XPO6: variants seen among roughly 807,000 people sequenced by gnomAD.
The protein encoded by XPO6 is exportin 6.
A neutral mutation model predicts 130.0 loss-of-function variants in XPO6; 3 were observed. The ratio of observed to expected loss-of-function variants is 0.02; its 90% confidence interval spans 0.01 to 0.06. The LOEUF (loss-of-function observed/expected upper bound fraction) is 0.06, where lower values mean the gene tolerates loss of function less well. XPO6 is among the 10% of genes least tolerant of loss of function. The pLI, the probability that XPO6 is intolerant of heterozygous loss-of-function variation, is 1.00. For missense variants in XPO6, 970 were observed against 1,393.0 expected, an observed-to-expected ratio of 0.70 and a Z score of 4.83; for synonymous variants, 524 against 548.9, an observed-to-expected ratio of 0.95 and a Z score of 0.63.
intron 1 of XPO6, among the ~76,000 whole-genome samples, chr16:28,204,419 C>T (rs1386275463): frequency 6.6e-6 from 1 of 151,680 alleles, no homozygotes; most frequent in Non-Finnish European, 1.5e-5. Context: ...AGGGAGAGCA[C>T]GGTCCAAGCA....
intron 1 of XPO6, among the ~76,000 whole-genome samples, chr16:28,200,206 T>C (rs2043933905): frequency 6.6e-6 from 1 of 151,986 alleles, no homozygotes; most frequent in African/African-American, 2.4e-5. Context: ...GTCTGATTAT[T>C]AATGAGTTTA....
At chr16:28,196,789 C>T (rs2141899023) in intron 1 of XPO6, among the ~76,000 whole-genome samples, 1 of 152,250 alleles carries the variant, frequency 6.6e-6, no homozygotes, top group Non-Finnish European at 1.5e-5. Context: ...TGGCGCCTCT[C>T]CTCTCACTCT....
chr16:28,147,998 C>T (rs772678665), intron 8 of XPO6, among the ~76,000 whole-genome samples: 29 of 152,116 alleles, frequency 1.9e-4, no homozygotes, highest in Non-Finnish European at 3.8e-4. Context: ...ACTAGACTTG[C>T]CCATCCAAGA....
At position 28,184,972 on chromosome 16, in the gene XPO6, A is replaced by T. The variant is rs778010707; in HGVS notation, c.4-3941T>A. On this transcript the variant is annotated intron_variant, in intron 1 of 23. Transcript: ENST00000304658. ...GTATACCAAACGAAAACATACACAAATGTTCACAGCACTATTATACACAAT... is the reference window on the plus strand; with the variant it reads ...GTATACCAAACGAAAACATACACAATTGTTCACAGCACTATTATACACAAT... Among the ~76,000 whole-genome samples the T allele has an allele frequency of 1.9e-4, 29 of 152,312 alleles. 2 individuals are homozygous for T. The Middle Eastern group carries it at 0.02, about 107-fold the overall frequency.
chr16:28,177,180 A>G, intron 3 of XPO6, 40 bp downstream of exon 3: 1 of 1,440,874 alleles, frequency 6.9e-7, no homozygotes. Context: ...TAGAACTACA[A>G]AATCCTTTTC....
chr16:28,150,415 G>C (rs944917029), intron 8 of XPO6, among the ~76,000 whole-genome samples: 5 of 152,000 alleles, frequency 3.3e-5, no homozygotes, highest in African/African-American at 1.2e-4. Flanking sequence ...TCTACTGAAA[G>C]AATCATAAAA....
chr16:28,125,935 A>G, intron 12 of XPO6, 87 bp from the exon 13 acceptor site: 1 of 1,499,538 alleles, frequency 6.7e-7, no homozygotes. Context: ...AGCCACACAC[A>G]GCAAAACCAG....
Position 28,101,731 on chromosome 16 carries a change from G to A in XPO6, c.3046-43C>T. 2 of 1,587,862 alleles carry A rather than the reference G, an allele frequency of 1.3e-6. No homozygotes were observed. Among genetic ancestry groups the A allele is most frequent in the African/African-American group, 1.3e-5 (1 of 74,548 alleles). On this transcript the variant is annotated intron_variant, in intron 22 of 23. Coordinates refer to ENST00000304658, the MANE Select transcript of XPO6 (RefSeq NM_015171.4). The surrounding 1 kb of genome is among the most constrained non-coding windows in gnomAD (Gnocchi z 5.4). ...AGGTGAGCAGCAGCCAGCCCCCAGG[G>A]GCCTGTCCCGGGTCCCATCCACTTT...
chr16:28,162,730 A>G (rs1237407279), intron 6 of XPO6, among the ~76,000 whole-genome samples: 3 of 151,200 alleles, frequency 2.0e-5, no homozygotes, highest in African/African-American at 7.3e-5. Flanking sequence ...GCCCAGATAT[A>G]TATATATTAG....
intron 6 of XPO6, among the ~76,000 whole-genome samples, chr16:28,157,998 G>A (rs561479318): frequency 6.6e-6 from 1 of 152,302 alleles, no homozygotes; most frequent in South Asian, 2.1e-4. Flanking sequence ...GAGAGGATAG[G>A]GAATGCAGAG....
intron 4 of XPO6, among the ~76,000 whole-genome samples, chr16:28,170,806 C>G (rs1406337971): frequency 6.6e-6 from 1 of 152,150 alleles, no homozygotes; most frequent in Admixed American, 6.5e-5. Context: ...AGTCTCTCTA[C>G]CATAAGAAAG....
rs771387248 is a variant in XPO6 at position 28,181,047 on chromosome 16, GA to G, written c.4-17del. ...CTTCAGATGCCTAACAAAGGAATTT[GA>G]AAAAAAATCAATAAGCTGCATCTTC... On this transcript the variant is annotated splice_polypyrimidine_tract_variant and intron_variant, in intron 1 of 23. Transcript: ENST00000304658. The G allele has an allele frequency of 6.3e-6, 10 of 1,589,948 alleles. No individual in the cohort carries two copies. Among genetic ancestry groups the G allele is most frequent in the East Asian group, 4.5e-5 (2 of 44,652 alleles).
At chr16:28,204,357 G>GC (rs1206699283) in intron 1 of XPO6, among the ~76,000 whole-genome samples, 1 of 151,972 alleles carries the variant, frequency 6.6e-6, no homozygotes, top group Non-Finnish European at 1.5e-5. Context: ...GTGAGGGAAG[G>GC]CCCCACTGGA....
At chr16:28,126,174 C>G (rs1028784335) in intron 12 of XPO6, among the ~76,000 whole-genome samples, 1 of 152,196 alleles carries the variant, frequency 6.6e-6, no homozygotes, top group Non-Finnish European at 1.5e-5. Context: ...CTGTTACATA[C>G]AAGGAGGCAC....
intron 9 of XPO6, among the ~76,000 whole-genome samples, chr16:28,145,172 C>T (rs2042962343): frequency 6.6e-6 from 1 of 152,174 alleles, no homozygotes; most frequent in Non-Finnish European, 1.5e-5. Context: ...TACTCTGATC[C>T]TAAAATGCAA....
intron 20 of XPO6, 54 bp from the exon 21 acceptor site, chr16:28,104,761 G>A (rs2086735119): frequency 6.3e-7 from 1 of 1,597,852 alleles, no homozygotes; most frequent in African/African-American, 1.3e-5. Flanking sequence ...GCTCCGGCCT[G>A]GGCCCAGGGC....
rs537395068 is a variant in XPO6, at chr16:28,138,187, G to A, written c.1335-2863C>T. 4.6e-5 allele frequency among the ~76,000 whole-genome samples: 7 copies of A among 152,254 alleles called. No individual in the cohort carries two copies. The South Asian group carries it at 1.0e-3, about 23-fold the overall frequency. ...CTTAGTAAACTCCATAGAAAGGTAA[G>A]ATCAAACATTTAGGCCTAGAGTTTA... On this transcript the variant is annotated intron_variant, in intron 9 of 23. Coordinates refer to ENST00000304658, the MANE Select transcript of XPO6 (RefSeq NM_015171.4).
At chr16:28,189,224 G>C (rs909865980) in intron 1 of XPO6, among the ~76,000 whole-genome samples, 1 of 147,576 alleles carries the variant, frequency 6.8e-6, no homozygotes, top group Non-Finnish European at 1.5e-5. Context: ...GGGATTAGAG[G>C]CACGAGCCAC....
intron 13 of XPO6, among the ~76,000 whole-genome samples, chr16:28,123,120 T>A (rs1288155392): frequency 6.6e-6 from 1 of 152,090 alleles, no homozygotes; most frequent in Non-Finnish European, 1.5e-5. Flanking sequence ...TCCTCTTTTT[T>A]TTGAGAAAGC....
Sources: allele counts gnomAD v4.1 joint callset (sites outside exome capture counted in the v4.1 genomes callset), GRCh38; gene constraint gnomAD v4.1.1; non-coding constraint Gnocchi (gnomAD v3.1); transcripts MANE v1.5; gene names NCBI Gene and HGNC (gene_info 2026-07-23, HGNC 2026-07-21).